UNC13C: variants seen among roughly 807,000 people sequenced by gnomAD.
UNC13C encodes unc-13 homolog C, also known as protein unc-13 homolog C.
In UNC13C, 174 loss-of-function variants were observed where a neutral mutation model predicts 245.4. That is an observed-to-expected ratio of 0.71 (90% CI 0.63 to 0.80). UNC13C has a LOEUF of 0.80. UNC13C is among the 30% of genes least tolerant of loss of function. UNC13C has a pLI of 0.00. For synonymous variants in UNC13C, 992 were observed against 895.1 expected (o/e 1.11, Z -1.93); for missense variants, 2,829 against 2,602.9 (o/e 1.09, Z -1.89).
At chr15:54,244,346 C>A (rs12561135) in intron 7 of UNC13C, among the ~76,000 whole-genome samples, 3 of 152,134 alleles carry the variant, frequency 2.0e-5, no homozygotes, top group Non-Finnish European at 4.4e-5. Flanking sequence ...TGTTCTTATA[C>A]CAGTACCGTG....
chr15:53,936,208 C>T, the UNC13C span, among the ~76,000 whole-genome samples: 4 of 152,310 alleles, frequency 2.6e-5, no homozygotes, highest in African/African-American at 9.6e-5. Flanking sequence ...CCTGCTGGCT[C>T]TGGGGAGTCT....
intron 2 of UNC13C, among the ~76,000 whole-genome samples, chr15:54,025,869 AATC>A: frequency 6.6e-6 from 1 of 152,320 alleles, no homozygotes; most frequent in African/African-American, 2.4e-5. Flanking sequence ...GACCGCATAT[AATC>A]ATGGCAACAA....
chr15:54,143,642 A>T lies in UNC13C; in HGVS notation c.3029A>T (p.Asp1010Val). 1 of 1,613,370 alleles carries T rather than the reference A, an allele frequency of 6.2e-7. No homozygotes were observed. The highest frequency in any genetic ancestry group is 8.5e-7 in the Non-Finnish European group (1 of 1,179,470). The change falls in exon 4 of 33, where the codon GAT becomes GTT. Residue 1010 changes from aspartate to valine, a missense_variant. Transcript: ENST00000260323. ...AAGGCTCGAATAGTAAGTGGCAATG[A>T]TTTGGATGCTTCCAAATTTTCTGCA... ...DEKARIVSGN[D>V]LDASKFSALQ...
intron 30 of UNC13C, among the ~76,000 whole-genome samples, chr15:54,581,860 G>A (rs1260147858): frequency 6.6e-6 from 1 of 152,182 alleles, no homozygotes; most frequent in African/African-American, 2.4e-5. Context: ...AATAGGGCAA[G>A]TGAATGGAGG....
chr15:54,014,627 G>A lies in UNC13C; in HGVS notation c.1724G>A (p.Gly575Glu). 1 of 1,613,670 alleles carries A rather than the reference G, an allele frequency of 6.2e-7. No homozygotes were observed. Among genetic ancestry groups the A allele is most frequent in the Non-Finnish European group, 8.5e-7 (1 of 1,179,784 alleles). The stretch of plus-strand genomic sequence containing the variant: ...AATCAGTTTTTCACTAGAACTAATG[G>A]AAGCTCTCTCCTGTCATCTTCGGAC... The part of the protein sequence containing the change: ...SENQFFTRTN[G>E]SSLLSSSDRE... Residue 575 changes from glycine (G) to glutamate (E), a missense_variant, in exon 2 of 33, where the codon GGA becomes GAA. Physicochemically the swap from Gly to Glu is moderately conservative, Grantham distance 98. Transcript: ENST00000260323.
chr15:54,161,177 C>A (rs546271236), intron 4 of UNC13C, among the ~76,000 whole-genome samples: 2 of 152,140 alleles, frequency 1.3e-5, no homozygotes, highest in African/African-American at 4.8e-5. Flanking sequence ...TGGCTCACTG[C>A]AGCTTCAATT....
chr15:54,337,204 C>T (rs2038603197), intron 16 of UNC13C, among the ~76,000 whole-genome samples: 1 of 152,106 alleles, frequency 6.6e-6, no homozygotes, highest in South Asian at 2.1e-4. Flanking sequence ...TGTCTGTTGT[C>T]ACAGATTTAG....
chr15:54,336,207 A>G (rs574991184), intron 16 of UNC13C, among the ~76,000 whole-genome samples: 1 of 151,992 alleles, frequency 6.6e-6, no homozygotes, highest in African/African-American at 2.4e-5. Flanking sequence ...GTACAACATG[A>G]TGCTTTAAAA....
At chr15:54,553,519 A>G (rs1025094988) in intron 28 of UNC13C, among the ~76,000 whole-genome samples, 9 of 144,344 alleles carry the variant, frequency 6.2e-5, no homozygotes, top group African/African-American at 1.8e-4. Context: ...TATATGCTAT[A>G]TATAACATAT....
At chr15:54,063,683 A>C (rs1595795039) in intron 2 of UNC13C, among the ~76,000 whole-genome samples, 1 of 152,326 alleles carries the variant, frequency 6.6e-6, no homozygotes, top group East Asian at 1.9e-4. Flanking sequence ...TAAATGCTAC[A>C]AGAATCACTT....
intron 19 of UNC13C, among the ~76,000 whole-genome samples, chr15:54,453,233 G>A (rs1038738913): frequency 6.6e-6 from 1 of 152,132 alleles, no homozygotes; most frequent in Non-Finnish European, 1.5e-5. Context: ...AGACTGCTAG[G>A]GATCACTCAC....
At chr15:54,509,918 C>CT (rs888938356) in intron 23 of UNC13C, among the ~76,000 whole-genome samples, 2 of 152,116 alleles carry the variant, frequency 1.3e-5, no homozygotes, top group African/African-American at 4.8e-5. Flanking sequence ...TGCATCTCCT[C>CT]TTTTTTCTCT....
At chr15:54,006,240 G>T (rs1303089038) in intron 1 of UNC13C, among the ~76,000 whole-genome samples, 2 of 152,128 alleles carry the variant, frequency 1.3e-5, no homozygotes, top group Non-Finnish European at 2.9e-5. Flanking sequence ...AAAAGTAGCA[G>T]CAATGGGAAT....
intron 19 of UNC13C, among the ~76,000 whole-genome samples, chr15:54,457,003 T>G (rs1891567537): frequency 6.6e-6 from 1 of 152,134 alleles, no homozygotes; most frequent in African/African-American, 2.4e-5. Flanking sequence ...CAGTATAATG[T>G]TGGCTGTGGT....
chr15:54,284,009 CACAA>C (rs1319525468), intron 10 of UNC13C, among the ~76,000 whole-genome samples: 1 of 152,012 alleles, frequency 6.6e-6, no homozygotes, highest in Non-Finnish European at 1.5e-5. Flanking sequence ...ATAAGAAAAC[CACAA>C]ACAACAGCAA....
downstream of UNC13C, chr15:54,631,390 C>G (rs1386841830): frequency 6.6e-6 from 1 of 152,170 alleles, no homozygotes; most frequent in Non-Finnish European, 1.5e-5. Context: ...AAAATTCTCT[C>G]TTTTGGCATA....
At chr15:54,296,276 C>T (rs1369861002) in intron 11 of UNC13C, among the ~76,000 whole-genome samples, 1 of 152,092 alleles carries the variant, frequency 6.6e-6, no homozygotes, top group East Asian at 1.9e-4. Context: ...TCTTGGCTCA[C>T]TGCAAGCTCC....
chr15:54,525,516 T>G (rs768154151), intron 24 of UNC13C, 33 bp from the exon 25 acceptor site: 2 of 1,563,470 alleles, frequency 1.3e-6, no homozygotes, highest in Admixed American at 3.5e-5. Flanking sequence ...TTCTCAAAAC[T>G]CCAAAGTAAT....
At chr15:54,618,977 AAATATTTGTCT>A (rs1408142059) in intron 30 of UNC13C, among the ~76,000 whole-genome samples, 1 of 152,178 alleles carries the variant, frequency 6.6e-6, no homozygotes, top group Non-Finnish European at 1.5e-5. Flanking sequence ...AATACAGTAA[AAATATTTGTCT>A]AATGAGTTTT....
Sources: gnomAD v4.1 joint callset for allele counts (sites outside exome capture counted in the v4.1 genomes callset) on GRCh38, gnomAD v4.1.1 for gene constraint, MANE v1.5 for transcripts, NCBI Gene and HGNC (gene_info 2026-07-23, HGNC 2026-07-21) for gene names.